The following TBC1D13 variants were observed in gnomAD, a reference collection of about 807,000 sequenced individuals.
TBC1D13 encodes TBC1 domain family member 13.
TBC1D13 carries 40 observed loss-of-function variants against 53.6 expected under a neutral mutation model. The observed-to-expected ratio is 0.75, with a 90% CI of 0.58 to 0.97. TBC1D13 has a LOEUF of 0.97. TBC1D13 is among the 50% of genes least tolerant of loss of function. The pLI is 0.00. For synonymous variants in TBC1D13, 182 were observed against 197.7 expected (o/e 0.92, Z 0.67); for missense variants, 377 against 499.4 (o/e 0.75, Z 2.34).
chr9:128,803,464 A>T lies in TBC1D13; in HGVS notation c.754+4A>T. 1 of 1,613,870 alleles carries T rather than the reference A, an allele frequency of 6.2e-7. No individual in the cohort carries two copies. Among genetic ancestry groups the T allele is most frequent in the Non-Finnish European group, 8.5e-7 (1 of 1,179,936 alleles). On this transcript the variant is annotated splice_donor_region_variant and intron_variant, in intron 8 of 11. Transcript: ENST00000372648. ...GACCCCAATAGTGAGTGGAAAGGTA[A>T]GAAGGCTCTTGGTGCCCACATCCCT...
chr9:128,806,365 G>C (rs551819835), intron 11 of TBC1D13, 54 bp downstream of exon 11: 3 of 1,606,170 alleles, frequency 1.9e-6, no homozygotes, highest in Non-Finnish European at 2.6e-6. Context: ...GCACTCGCCA[G>C]GCACCTGCCC....
In TBC1D13 at chr9:128,800,879, C is replaced by G. The variant is rs368128565; in HGVS notation, c.544-2371C>G. 9.9e-5 allele frequency among the ~76,000 whole-genome samples: 15 copies of G among 152,146 alleles called. No homozygotes were observed. The East Asian group carries it at 2.5e-3, about 25-fold the overall frequency. On this transcript the variant is annotated intron_variant, in intron 7 of 11. Transcript: ENST00000372648. ...GATCTCCTGAGAATAAGGGCATTGT[C>G]AGCCAAGTGCGGTGGCTCACACCTG...
chr9:128,795,186 C>T (rs1028618883), intron 6 of TBC1D13, among the ~76,000 whole-genome samples: 2 of 151,012 alleles, frequency 1.3e-5, no homozygotes, highest in Non-Finnish European at 3.0e-5. Context: ...TCCTGAGTAG[C>T]CAGGACTGTA....
rs756322107 is a variant in TBC1D13 at position 128,788,346 on chromosome 9, C to T, written c.36C>T (p.Phe12=). Residue 12 remains phenylalanine, a synonymous_variant, in exon 2 of 12, where the codon TTC becomes TTT. Transcript: ENST00000372648. ...SSLHKSRIAD[F]QDVLKEPSIA... is the part of the protein sequence containing the mutation. ...TCTCCCCTTCCAGAATTGCAGATTT[C>T]CAGGATGTCCTGAAGGAGCCCTCAA... 5.6e-6 allele frequency: 9 copies of T among 1,614,092 alleles called. No individual in the cohort carries two copies. The highest frequency in any genetic ancestry group is 7.6e-6 in the Non-Finnish European group (9 of 1,179,974).
In TBC1D13 at chr9:128,806,305, G is replaced by A; in HGVS notation, c.1131G>A (p.Leu377=). The change falls in exon 11 of 12, where the codon CTG becomes CTA. Residue 377 remains leucine, a synonymous_variant. Transcript: ENST00000372648. The stretch of plus-strand genomic sequence containing the variant: ...GGGACTTCACTGTGAATATGCGGCT[G>A]CTGCAGGTAATGGGAGTTGGGGGCA... ...LEGDFTVNMR[L]LQDYPITDVC... is the part of the protein sequence containing the mutation. The A allele has an allele frequency of 6.2e-7, 1 of 1,614,134 alleles. No individual in the cohort carries two copies. The highest frequency in any genetic ancestry group is 8.5e-7 in the Non-Finnish European group (1 of 1,180,048).
intron 11 of TBC1D13, 125 bp from the exon 12 acceptor site, chr9:128,807,689 G>A: frequency 1.1e-6 from 1 of 932,098 alleles, no homozygotes; most frequent in Non-Finnish European, 1.8e-6. Context: ...GGGATGCCTG[G>A]TGTTCTGTGC....
intron 8 of TBC1D13, among the ~76,000 whole-genome samples, chr9:128,803,725 G>A (rs2132550851): frequency 6.6e-6 from 1 of 152,330 alleles, no homozygotes; most frequent in East Asian, 1.9e-4. Flanking sequence ...TTGTCATCAG[G>A]AGAGTGTGTA....
intron 2 of TBC1D13, among the ~76,000 whole-genome samples, chr9:128,788,959 T>A (rs1250652930): frequency 6.6e-6 from 1 of 152,216 alleles, no homozygotes; most frequent in East Asian, 1.9e-4. Context: ...TCTTTTTGCC[T>A]GTTTTAAAAA....
chr9:128,793,149 G>C (rs1396041663), intron 6 of TBC1D13, among the ~76,000 whole-genome samples: 3 of 152,250 alleles, frequency 2.0e-5, no homozygotes, highest in African/African-American at 7.2e-5. Context: ...GCAAGGTCCA[G>C]AGAGCCCGCA....
In TBC1D13 at chr9:128,803,359, A is replaced by G. The variant is rs780595845; in HGVS notation, c.653A>G (p.Tyr218Cys). 1.2e-6 allele frequency: 2 copies of G among 1,614,142 alleles called. No individual in the cohort carries two copies. Among genetic ancestry groups the G allele is most frequent in the South Asian group, 2.2e-5 (2 of 91,082 alleles). Reference protein sequence around the residue: ...WEVVERILFIYAKLNPGIAYV... With the variant: ...WEVVERILFICAKLNPGIAYV... ...GTGGTGGAGCGGATCCTGTTCATCT[A>G]CGCCAAGCTCAACCCTGGCATCGCT... Residue 218 changes from tyrosine (Y) to cysteine (C), a missense_variant, in exon 8 of 12, where the codon TAC becomes TGC. Coordinates refer to ENST00000372648, the MANE Select transcript of TBC1D13 (RefSeq NM_018201.5).
Position 128,787,300 on chromosome 9 carries a change from A to T in TBC1D13, c.-54A>T, listed in dbSNP as rs1478825425. The T allele has an allele frequency of 4.8e-6, 6 of 1,254,332 alleles. No homozygotes were observed. The highest frequency in any genetic ancestry group is 6.0e-6 in the Non-Finnish European group (6 of 993,460). 77.7% of individuals were successfully genotyped at this position (1,254,332 alleles called of 1,614,324 possible). ...GGGGCGGCGGCGGCGGCGGCAGCGC[A>T]GGCGGCAGAGGCGCAGGCGGCGGAG... On this transcript the variant is annotated 5_prime_UTR_variant, in exon 1 of 12. Transcript: ENST00000372648.
intron 7 of TBC1D13, among the ~76,000 whole-genome samples, chr9:128,798,685 A>C (rs538385098): frequency 6.6e-6 from 1 of 152,132 alleles, no homozygotes; most frequent in Non-Finnish European, 1.5e-5. Context: ...TTGTAGTCAA[A>C]CAAGTATATT....
At position 128,791,594 on chromosome 9, in the gene TBC1D13, G is replaced by A. The variant is rs1237576954; in HGVS notation, c.201G>A (p.Arg67=). 1.2e-6 allele frequency: 2 copies of A among 1,614,176 alleles called. No homozygotes were observed. Among genetic ancestry groups the A allele is most frequent in the African/African-American group, 1.3e-5 (1 of 75,064 alleles). Residue 67 remains arginine, a splice_region_variant and synonymous_variant, in exon 5 of 12, where the codon AGG becomes AGA. Transcript: ENST00000372648. ...ASWTSILAKQ[R]ELYAQFLREM... is the part of the protein sequence containing the mutation. ...CATCCTTCTCACTTGTCTCCTGCAG[G>A]GAGCTGTATGCCCAGTTCCTGAGGG...
Position 128,787,343 on chromosome 9 carries a change from A to G in TBC1D13, c.-11A>G, listed in dbSNP as rs1829435761. 2 of 1,260,374 alleles carry G rather than the reference A, an allele frequency of 1.6e-6. No homozygotes were observed. Among genetic ancestry groups the G allele is most frequent in the Non-Finnish European group, 2.0e-6 (2 of 996,490 alleles). The allele number at this position is 1,260,374 out of a possible 1,614,324, so 78.1% of individuals were successfully genotyped here. On this transcript the variant is annotated 5_prime_UTR_variant, in exon 1 of 12. Coordinates refer to ENST00000372648, the MANE Select transcript of TBC1D13 (RefSeq NM_018201.5). ...CGGCGGAGGCGGCTGGGGGGTCCGG[A>G]AGTCAACACCATGTCAAGTCTGCAC...
At chr9:128,803,806 T>G in intron 8 of TBC1D13, 150 bp from the exon 9 acceptor site, 1 of 941,906 alleles carries the variant, frequency 1.1e-6, no homozygotes, top group Non-Finnish European at 1.6e-6. Context: ...AGCCTGGGGG[T>G]GGAGAGGGGT....
chr9:128,808,247 G>A lies in TBC1D13; in HGVS notation c.*368G>A, dbSNP rs1019602281. 9.7e-5 allele frequency: 27 copies of A among 279,274 alleles called. No homozygotes were observed. In the South Asian group the frequency reaches 1.3e-3, roughly 14 times the overall value. 17.3% of individuals were successfully genotyped at this position (279,274 alleles called of 1,614,324 possible). A position where few individuals can be genotyped will look rare whatever the true frequency, so the allele number is the denominator to read the frequency against. ...GTCTTCTCCTGGGCTCCACTCAGGGGAGGTGCTTGGCCAATGGGCCAGAAA... is the reference window on the plus strand; with the variant it reads ...GTCTTCTCCTGGGCTCCACTCAGGGAAGGTGCTTGGCCAATGGGCCAGAAA... On this transcript the variant is annotated 3_prime_UTR_variant, in exon 12 of 12. Transcript: ENST00000372648.
rs1433522734 is a variant in TBC1D13 at position 128,803,161 on chromosome 9, C to T, written c.544-89C>T. ...CTCGACCACTGGGGCTCAGCTCCCA[C>T]CTCAGCCTCCCAAAGTGCTGGGATT... On this transcript the variant is annotated intron_variant, in intron 7 of 11. Coordinates refer to ENST00000372648, the MANE Select transcript of TBC1D13 (RefSeq NM_018201.5). 14 of 1,239,386 alleles carry T rather than the reference C, an allele frequency of 1.1e-5. No homozygotes were observed. The South Asian group carries it at 1.3e-4, about 11-fold the overall frequency. The allele number at this position is 1,239,386 out of a possible 1,614,324, so 76.8% of individuals were successfully genotyped here. A position where few individuals can be genotyped will look rare whatever the true frequency, so the allele number is the denominator to read the frequency against.
chr9:128,797,765 T>A (rs1032310370), intron 7 of TBC1D13, among the ~76,000 whole-genome samples: 1 of 152,136 alleles, frequency 6.6e-6, no homozygotes, highest in African/African-American at 2.4e-5. Flanking sequence ...ATCACACTAC[T>A]GCCCTCCAGC....
chr9:128,794,484 GT>G (rs1011637626), intron 6 of TBC1D13, among the ~76,000 whole-genome samples: 4 of 150,732 alleles, frequency 2.7e-5, no homozygotes, highest in African/African-American at 7.3e-5. Flanking sequence ...TTTTGTTTTT[GT>G]TTTTTTTTGA....
Sources: gnomAD v4.1 joint callset for allele counts (sites outside exome capture counted in the v4.1 genomes callset) on GRCh38, gnomAD v4.1.1 for gene constraint, MANE v1.5 for transcripts, NCBI Gene and HGNC (gene_info 2026-07-23, HGNC 2026-07-21) for gene names.